Variants in ENPP6 observed in about 807,000 individuals in gnomAD.
ENPP6 encodes the protein ectonucleotide pyrophosphatase/phosphodiesterase 6.
A neutral mutation model predicts 42.0 loss-of-function variants in ENPP6; 32 were observed. The observed-to-expected ratio is 0.76, with a 90% CI of 0.58 to 1.02. The LOEUF is 1.02. ENPP6 is among the 50% of genes least tolerant of loss of function. The pLI is 0.00. For synonymous variants in ENPP6, 213 were observed against 216.0 expected (o/e 0.99, Z 0.12); for missense variants, 552 against 566.8 (o/e 0.97, Z 0.27).
At chr4:184,139,030 A>G (rs6816704) in intron 2 of ENPP6, among the ~76,000 whole-genome samples, 97,776 of 152,160 alleles carry the variant, frequency 0.64, 31,709 homozygotes, top group Non-Finnish European at 0.68. Context: ...TCCTGCAGAC[A>G]CCGTTCATTT....
intron 1 of ENPP6, among the ~76,000 whole-genome samples, chr4:184,179,775 G>A (rs1732522947): frequency 6.6e-6 from 1 of 152,046 alleles, no homozygotes; most frequent in Non-Finnish European, 1.5e-5. Context: ...ATGACTCCTG[G>A]GTAAATCATG....
chr4:184,112,779 T>G lies in ENPP6; in HGVS notation c.886A>C (p.Met296Leu). The G allele has an allele frequency of 6.2e-7, 1 of 1,614,080 alleles. No individual in the cohort carries two copies. Among genetic ancestry groups the G allele is most frequent in the Non-Finnish European group, 8.5e-7 (1 of 1,180,010 alleles). The stretch of plus-strand genomic sequence containing the variant: ...ATGGCTTCTTTCTCGTAGACAGTCA[T>G]GTGTTCCACTGTGCTCAGTTTGTTA... Reference protein sequence around the residue: ...IYNKLSTVEHMTVYEKEAIPS... With the variant: ...IYNKLSTVEHLTVYEKEAIPS... Residue 296 changes from methionine to leucine, a missense_variant, in exon 6 of 8, where the codon ATG becomes CTG. By Grantham distance (15) the Met-to-Leu change is conservative (BLOSUM62 2). Transcript: ENST00000296741.
At chr4:184,168,211 ATC>A (rs1737390271) in intron 1 of ENPP6, among the ~76,000 whole-genome samples, 1 of 152,090 alleles carries the variant, frequency 6.6e-6, no homozygotes, top group South Asian at 2.1e-4. Flanking sequence ...AATGGAGATA[ATC>A]ATACCTTTTT....
chr4:184,130,213 G>T (rs1171325347), intron 2 of ENPP6, among the ~76,000 whole-genome samples: 1 of 152,054 alleles, frequency 6.6e-6, no homozygotes, highest in Non-Finnish European at 1.5e-5. Context: ...AAACTATAGG[G>T]CAACAAGCAT....
chr4:184,217,726 C>G lies in ENPP6; in HGVS notation c.94G>C (p.Asp32His). 6.2e-7 allele frequency: 1 copy of G among 1,614,218 alleles called. No individual in the cohort carries two copies. Among genetic ancestry groups the G allele is most frequent in the Non-Finnish European group, 8.5e-7 (1 of 1,180,036 alleles). Reference sequence around the variant, plus strand: ...CTGATGTAGTCTGAGCGAAAACCATCCAGCAGAAACACCAGCAGCTTCCGG... The same window carrying G: ...CTGATGTAGTCTGAGCGAAAACCATGCAGCAGAAACACCAGCAGCTTCCGG... ...ARRKLLVFLL[D>H]GFRSDYISDE... The change falls in exon 1 of 8, where the codon GAT (aspartate) becomes CAT (histidine). Residue 32 changes from aspartate to histidine, a missense_variant. Around this residue, in one of 2 missense-constraint regions of ENPP6, gnomAD observed 545 missense variants for 546.3 expected, o/e 1.00. Coordinates refer to ENST00000296741, the MANE Select transcript of ENPP6 (RefSeq NM_153343.4).
At chr4:184,178,463 G>A (rs1183280644) in intron 1 of ENPP6, among the ~76,000 whole-genome samples, 4 of 152,128 alleles carry the variant, frequency 2.6e-5, no homozygotes, top group Non-Finnish European at 5.9e-5. Context: ...ATATCATCCA[G>A]GAAAACTTCC....
chr4:184,093,419 A>T (rs1029139317), intron 7 of ENPP6, among the ~76,000 whole-genome samples: 3 of 151,808 alleles, frequency 2.0e-5, no homozygotes, highest in African/African-American at 7.3e-5. Flanking sequence ...TGGGCAGATC[A>T]CATGAAGTCA....
chr4:184,097,409 C>A (rs755641675), intron 6 of ENPP6, 41 bp from the exon 7 acceptor site: 2 of 1,609,728 alleles, frequency 1.2e-6, no homozygotes, highest in African/African-American at 2.7e-5. Context: ...TACGTCCTGA[C>A]CGTGGCGCTG....
rs367775884 is a variant in ENPP6, at chr4:184,217,860, G to C, written c.-41C>G. On this transcript the variant is annotated 5_prime_UTR_variant, in exon 1 of 8. Transcript: ENST00000296741. ...CCAGAGCCCGGCTGGCACAGCTGTC[G>C]CCTTGCAAAGACTGAGGATGGAGAA... 1.3e-5 allele frequency: 20 copies of C among 1,597,676 alleles called. No individual in the cohort carries two copies. In the Middle Eastern group the frequency reaches 5.2e-4, roughly 42 times the overall value.
intron 1 of ENPP6, among the ~76,000 whole-genome samples, chr4:184,206,503 G>C (rs907257433): frequency 6.6e-6 from 1 of 150,982 alleles, no homozygotes; most frequent in East Asian, 2.0e-4. Context: ...TGATCCGCCC[G>C]TCTCGGCCTC....
chr4:184,208,225 A>G (rs1733033339), intron 1 of ENPP6, among the ~76,000 whole-genome samples: 1 of 152,020 alleles, frequency 6.6e-6, no homozygotes, highest in Non-Finnish European at 1.5e-5. Flanking sequence ...TTTAAGATTC[A>G]GTGGGAGGAG....
chr4:184,188,622 G>A (rs992889670), intron 1 of ENPP6, among the ~76,000 whole-genome samples: 9 of 152,158 alleles, frequency 5.9e-5, no homozygotes, highest in Admixed American at 3.3e-4. Flanking sequence ...CAGAAGCCAC[G>A]TGGGGAGACG....
intron 1 of ENPP6, 90 bp from the exon 2 acceptor site, chr4:184,153,823 C>T (rs1309833678): frequency 1.2e-5 from 17 of 1,433,544 alleles, no homozygotes; most frequent in South Asian, 4.2e-5. Flanking sequence ...CATTCGTGCT[C>T]GTTTAGGAAG....
At chr4:184,180,831 C>A (rs759138911) in intron 1 of ENPP6, among the ~76,000 whole-genome samples, 2 of 152,126 alleles carry the variant, frequency 1.3e-5, no homozygotes, top group Admixed American at 6.5e-5. Context: ...TAAAAACTCT[C>A]GATAAACTAG....
chr4:184,174,310 G>C (rs569789455), intron 1 of ENPP6, among the ~76,000 whole-genome samples: 1 of 151,972 alleles, frequency 6.6e-6, no homozygotes, highest in Non-Finnish European at 1.5e-5. Context: ...GCTAATTTTT[G>C]TATTTTTAGT....
chr4:184,115,315 G>T (rs554749319), intron 5 of ENPP6, among the ~76,000 whole-genome samples: 2 of 152,276 alleles, frequency 1.3e-5, no homozygotes, highest in African/African-American at 2.4e-5. Context: ...ATCTGGGAGT[G>T]GGACAAGCCA....
intron 1 of ENPP6, among the ~76,000 whole-genome samples, chr4:184,197,176 G>A (rs1037350272): frequency 1.3e-5 from 2 of 152,190 alleles, no homozygotes; most frequent in African/African-American, 4.8e-5. Flanking sequence ...CTAGAAAATA[G>A]AGAGGATGGC....
In ENPP6 at chr4:184,153,448, C is replaced by A. The variant is rs145248618; in HGVS notation, c.421+106G>T. 3.5e-4 allele frequency: 450 copies of A among 1,276,044 alleles called. 4 individuals carry two copies. In the African/African-American group the frequency reaches 5.9e-3, roughly 17 times the overall value. The allele number at this position is 1,276,044 out of a possible 1,614,324, so 79.0% of individuals were successfully genotyped here. A position where few individuals can be genotyped will look rare whatever the true frequency, so the allele number is the denominator to read the frequency against. ...CAATACATATTTCTTAAATAAAGAT[C>A]CCATTTTCCAAACCACGGCTTGGTC... On this transcript the variant is annotated intron_variant, in intron 2 of 7. Coordinates refer to ENST00000296741, the MANE Select transcript of ENPP6 (RefSeq NM_153343.4).
chr4:184,182,279 A>G (rs1732566590), intron 1 of ENPP6, among the ~76,000 whole-genome samples: 1 of 152,232 alleles, frequency 6.6e-6, no homozygotes, highest in Non-Finnish European at 1.5e-5. Flanking sequence ...ATCACTGATC[A>G]TTAGAGAAAT....
Sources: allele counts gnomAD v4.1 joint callset (sites outside exome capture counted in the v4.1 genomes callset), GRCh38; gene constraint gnomAD v4.1.1; regional missense constraint gnomAD v4.1.1; transcripts MANE v1.5; gene names NCBI Gene and HGNC (gene_info 2026-07-23, HGNC 2026-07-21).